Variants in SOX5 observed in about 807,000 individuals in gnomAD.
SOX5 encodes the protein transcription factor SOX-5.
In SOX5, 9 loss-of-function variants were observed where a neutral mutation model predicts 92.0. The ratio of observed to expected loss-of-function variants is 0.10; its 90% CI spans 0.06 to 0.17. The LOEUF (loss-of-function observed/expected upper bound fraction) is 0.17, where lower values mean the gene tolerates loss of function less well. SOX5 is among the 10% of genes least tolerant of loss of function. The pLI is 1.00. For synonymous variants in SOX5, 344 were observed against 336.3 expected (o/e 1.02, Z -0.25); for missense variants, 642 against 944.5 (o/e 0.68, Z 4.20).
chr12:24,466,475 GT>G (rs1390429492), intron 1 of SOX5, among the ~76,000 whole-genome samples: 4 of 152,024 alleles, frequency 2.6e-5, no homozygotes, highest in Non-Finnish European at 5.9e-5. Context: ...TTAATTATAA[GT>G]CATCTTGGTC....
intron 3 of SOX5, among the ~76,000 whole-genome samples, chr12:23,845,261 A>C (rs1317254590): frequency 1.3e-5 from 2 of 152,254 alleles, no homozygotes; most frequent in African/African-American, 2.4e-5. Context: ...ACCCATGCTT[A>C]GGATGGACAG....
At chr12:23,914,719 A>C (rs2097394483) in intron 1 of SOX5, among the ~76,000 whole-genome samples, 1 of 152,152 alleles carries the variant, frequency 6.6e-6, no homozygotes, top group South Asian at 2.1e-4. Context: ...CTAGTAGTTC[A>C]CATTTATTCA....
chr12:23,883,867 T>A (rs2097028719), intron 2 of SOX5, among the ~76,000 whole-genome samples: 1 of 152,166 alleles, frequency 6.6e-6, no homozygotes. Context: ...AATAACTGAA[T>A]CTGTTATAAA....
intron 2 of SOX5, among the ~76,000 whole-genome samples, chr12:24,285,622 A>G (rs1366965841): frequency 6.6e-6 from 1 of 152,080 alleles, no homozygotes; most frequent in African/African-American, 2.4e-5. Context: ...ATGAAAATAC[A>G]TTTTTCCAGT....
intron 4 of SOX5, among the ~76,000 whole-genome samples, chr12:24,189,184 G>A (rs1956289573): frequency 6.6e-6 from 1 of 152,150 alleles, no homozygotes; most frequent in African/African-American, 2.4e-5. Context: ...GTCTATTCAA[G>A]TACAGGCACT....
intron 10 of SOX5, among the ~76,000 whole-genome samples, chr12:23,568,389 G>A (rs907251131): frequency 6.6e-6 from 1 of 152,108 alleles, no homozygotes; most frequent in African/African-American, 2.4e-5. Context: ...AATTTGTAAT[G>A]GCAGCTCTAG....
rs1159818966 is a variant in SOX5 at position 23,533,206 on chromosome 12, A to C, written c.*1013T>G. The C allele has an allele frequency of 2.2e-6, 1 of 456,462 alleles. No homozygotes were observed. The highest frequency in any genetic ancestry group is 1.5e-5 in the South Asian group (1 of 64,538). 28.3% of individuals were successfully genotyped at this position (456,462 alleles called of 1,614,324 possible). A position where few individuals can be genotyped will look rare whatever the true frequency, so the allele number is the denominator to read the frequency against. On this transcript the variant is annotated 3_prime_UTR_variant, in exon 15 of 15. Transcript: ENST00000451604. ...TCCCCAGATGTGGGTTTAACTCACA[A>C]TGGTCCAACGTTATTCCTATTATTA...
At chr12:24,399,552 T>C (rs1174276445) in intron 1 of SOX5, among the ~76,000 whole-genome samples, 2 of 152,184 alleles carry the variant, frequency 1.3e-5, no homozygotes, top group Admixed American at 1.3e-4. Context: ...CAAAGATCTT[T>C]CCATGTCTAA....
chr12:23,773,615 G>A (rs1321560888), intron 3 of SOX5, among the ~76,000 whole-genome samples: 1 of 151,894 alleles, frequency 6.6e-6, no homozygotes, highest in African/African-American at 2.4e-5. Context: ...CAAGTGATCC[G>A]CCCGCCTCAG....
Position 24,303,332 on chromosome 12 carries a change from G to GTTT in SOX5, c.-173-26021_-173-26020insAAA, listed in dbSNP as rs1565865292. Among the ~76,000 whole-genome samples the GTTT allele has an allele frequency of 2.1e-3, 320 of 152,222 alleles. 1 individual carries two copies. Among genetic ancestry groups the GTTT allele is most frequent in the African/African-American group, 7.3e-3 (305 of 41,528 alleles). On this transcript the variant is annotated intron_variant, in intron 2 of 4. Transcript: ENST00000446891. ...TATTACAGTAATCATACAGAGTATA[G>GTTT]GGGACAAAACAAGACGTTAGACATC...
intron 4 of SOX5, among the ~76,000 whole-genome samples, chr12:23,973,178 T>G (rs1948542570): frequency 6.7e-6 from 1 of 149,754 alleles, no homozygotes; most frequent in African/African-American, 2.5e-5. Flanking sequence ...TTTTTTTTTT[T>G]TGAGACAAAT....
At chr12:23,551,829 T>C (rs924001911) in intron 11 of SOX5, among the ~76,000 whole-genome samples, 4 of 151,870 alleles carry the variant, frequency 2.6e-5, no homozygotes, top group South Asian at 2.1e-4. Flanking sequence ...TTGAAACCCA[T>C]AATTTTGTTC....
At chr12:24,503,146 A>G (rs1293592482) in intron 1 of SOX5, among the ~76,000 whole-genome samples, 1 of 152,240 alleles carries the variant, frequency 6.6e-6, no homozygotes, top group African/African-American at 2.4e-5. Flanking sequence ...TACTATGCTT[A>G]TGTAAGTTGT....
At chr12:23,551,481 GATAT>G (rs995920388) in intron 11 of SOX5, among the ~76,000 whole-genome samples, 6 of 151,700 alleles carry the variant, frequency 4.0e-5, no homozygotes, top group African/African-American at 1.5e-4. Flanking sequence ...ATGTATAAAT[GATAT>G]ATAAACTATA....
At chr12:24,007,192 T>C (rs1157851829) in intron 4 of SOX5, among the ~76,000 whole-genome samples, 20 of 62,754 alleles carry the variant, frequency 3.2e-4, no homozygotes, top group African/African-American at 9.8e-4. Flanking sequence ...TATATAAATG[T>C]ATATAAATGT....
intron 2 of SOX5, among the ~76,000 whole-genome samples, chr12:23,865,404 G>A (rs34412076): frequency 0.12 from 18,120 of 152,182 alleles, 1,360 homozygotes; most frequent in South Asian, 0.19. Flanking sequence ...GGCCAAGCAC[G>A]GTGGCCCATG....
chr12:23,836,673 G>A (rs1255752880), intron 3 of SOX5, among the ~76,000 whole-genome samples: 1 of 151,878 alleles, frequency 6.6e-6, no homozygotes, highest in Admixed American at 6.6e-5. Context: ...ATTGAAATCT[G>A]TGTTCCCCAC....
chr12:23,800,640 A>T lies in SOX5; in HGVS notation c.482-44916T>A, dbSNP rs188964294. ...ATATAGATGAGGAACAGAAAATTTTATTCTATTTCCATTTACACCTGTCAT... is the reference window on the plus strand; with the variant it reads ...ATATAGATGAGGAACAGAAAATTTTTTTCTATTTCCATTTACACCTGTCAT... On this transcript the variant is annotated intron_variant, in intron 3 of 14. Transcript: ENST00000451604. Among the ~76,000 whole-genome samples the T allele has an allele frequency of 1.5e-3, 228 of 152,260 alleles. 1 individual carries two copies. The highest frequency in any genetic ancestry group is 1.1e-3 in the Non-Finnish European group (72 of 67,996).
intron 3 of SOX5, among the ~76,000 whole-genome samples, chr12:24,251,473 C>G (rs897564359): frequency 4.6e-5 from 7 of 152,082 alleles, no homozygotes; most frequent in African/African-American, 1.7e-4. Context: ...TAGGGTCAGA[C>G]AGTCTATATT....
Sources: allele counts gnomAD v4.1 joint callset (sites outside exome capture counted in the v4.1 genomes callset), GRCh38; gene constraint gnomAD v4.1.1; transcripts MANE v1.5; gene names NCBI Gene and HGNC (gene_info 2026-07-23, HGNC 2026-07-21).